Variants in ZNF385D observed in about 807,000 individuals in gnomAD.
ZNF385D encodes zinc finger protein 659.
Under a neutral mutation model 35.8 loss-of-function variants are expected in ZNF385D, and 15 were observed. The ratio of observed to expected loss-of-function variants is 0.42; its 90% CI spans 0.28 to 0.64. The LOEUF (loss-of-function observed/expected upper bound fraction) is 0.64, where lower values mean the gene tolerates loss of function less well. Among genes scored for constraint, ZNF385D ranks in the 30% least tolerant of loss-of-function variants. The pLI, the probability that ZNF385D is intolerant of heterozygous loss-of-function variation, is 0.23. For synonymous variants in ZNF385D, 212 were observed against 186.8 expected, an observed-to-expected ratio of 1.13 and a Z score of -1.10; for missense variants, 474 against 494.6, an observed-to-expected ratio of 0.96 and a Z score of 0.39.
chr3:21,681,697 C>CA (rs2066913702), intron 1 of ZNF385D, among the ~76,000 whole-genome samples: 11 of 53,566 alleles, frequency 2.1e-4, no homozygotes, highest in Non-Finnish European at 3.3e-4. Context: ...TAAAAAAAAA[C>CA]GAAAAAAAAA....
At chr3:21,766,650 G>A (rs1489469809) in intron 3 of ZNF385D, among the ~76,000 whole-genome samples, 4 of 152,154 alleles carry the variant, frequency 2.6e-5, no homozygotes, top group African/African-American at 9.6e-5. Flanking sequence ...TATGGAAGCA[G>A]TTATGGCATG....
At chr3:22,086,109 G>A (rs543094258) in intron 3 of ZNF385D, among the ~76,000 whole-genome samples, 13 of 152,246 alleles carry the variant, frequency 8.5e-5, no homozygotes, top group East Asian at 1.9e-4. Context: ...CTGCATGGGC[G>A]AAACCTGGAA....
intron 3 of ZNF385D, among the ~76,000 whole-genome samples, chr3:21,885,531 T>C (rs1050262291): frequency 6.6e-6 from 1 of 151,948 alleles, no homozygotes; most frequent in Non-Finnish European, 1.5e-5. Flanking sequence ...CATGCTTAAA[T>C]TGCAATCAGA....
intron 1 of ZNF385D, among the ~76,000 whole-genome samples, chr3:21,724,696 A>T (rs2068687500): frequency 6.6e-6 from 1 of 152,000 alleles, no homozygotes; most frequent in Admixed American, 6.6e-5. Flanking sequence ...GTTCTTAGAG[A>T]CTTACAAAGA....
In ZNF385D at chr3:22,028,396, T is replaced by A. The variant is rs967345616; in HGVS notation, c.325+140421A>T. Among the ~76,000 whole-genome samples the A allele has an allele frequency of 5.3e-5, 8 of 152,238 alleles. No homozygotes were observed. The South Asian group carries it at 1.7e-3, about 32-fold the overall frequency. On this transcript the variant is annotated intron_variant, in intron 3 of 5. Coordinates refer to the ZNF385D transcript ENST00000494108. ...GAGGTTACGCATGGGCTCAGCAACA[T>A]GTACTTCCACTCACCAAGGCTGACC...
intron 2 of ZNF385D, among the ~76,000 whole-genome samples, chr3:22,292,502 G>T (rs539204816): frequency 1.3e-5 from 2 of 152,044 alleles, no homozygotes; most frequent in Admixed American, 6.6e-5. Flanking sequence ...GCCCAGTACT[G>T]GCACTATTTC....
chr3:21,747,696 C>T lies in ZNF385D; in HGVS notation c.22+3199G>A, dbSNP rs567591612. On this transcript the variant is annotated intron_variant, in intron 1 of 7. Coordinates refer to ENST00000281523, the MANE Select transcript of ZNF385D (RefSeq NM_024697.3). ...GGCGCTGAGCAATTGCTGGGGTGCA[C>T]TCAAGCAAATAACCTGCCCTTCATA... 4.1e-4 allele frequency among the ~76,000 whole-genome samples: 63 copies of T among 152,310 alleles called. 1 individual carries two copies. Among genetic ancestry groups the T allele is most frequent in the African/African-American group, 1.4e-3 (57 of 41,560 alleles).
chr3:21,493,989 T>C lies in ZNF385D; in HGVS notation c.439+16872A>G, dbSNP rs535190737. Among the ~76,000 whole-genome samples, 18 of 152,274 alleles carry C rather than the reference T, an allele frequency of 1.2e-4. No homozygotes were observed. The South Asian group carries it at 3.7e-3, about 32-fold the overall frequency. On this transcript the variant is annotated intron_variant, in intron 4 of 7. Coordinates refer to ENST00000281523, the MANE Select transcript of ZNF385D (RefSeq NM_024697.3). ...AAACAGGCTTTTTTTTCCTTTGTCT[T>C]TAAGACTTGGGTTTTGTTATTCCAG... is the stretch of plus-strand genomic sequence containing the variant.
chr3:21,749,748 T>G (rs974688828), intron 1 of ZNF385D, among the ~76,000 whole-genome samples: 1 of 152,232 alleles, frequency 6.6e-6, no homozygotes, highest in Non-Finnish European at 1.5e-5. Context: ...TAAAGGCATT[T>G]AGCTTTTGGA....
chr3:21,698,853 G>A (rs2067566216), intron 1 of ZNF385D, among the ~76,000 whole-genome samples: 2 of 152,136 alleles, frequency 1.3e-5, no homozygotes, highest in Non-Finnish European at 2.9e-5. Flanking sequence ...AGATGCTGGA[G>A]AGGCTGTGGA....
At chr3:21,511,528 G>C (rs1707200098) in intron 3 of ZNF385D, 1 of 369,220 alleles carries the variant, frequency 2.7e-6, no homozygotes, top group African/African-American at 2.1e-5. Context: ...GACTGAGATT[G>C]AAGCTTTAGA....
chr3:21,828,189 A>G (rs1694771689), intron 3 of ZNF385D, among the ~76,000 whole-genome samples: 1 of 152,206 alleles, frequency 6.6e-6, no homozygotes, highest in African/African-American at 2.4e-5. Context: ...CCAGAGCTAT[A>G]TTTCCCAGAT....
At chr3:22,231,783 T>G (rs1411037417) in intron 2 of ZNF385D, among the ~76,000 whole-genome samples, 1 of 152,130 alleles carries the variant, frequency 6.6e-6, no homozygotes, top group African/African-American at 2.4e-5. Flanking sequence ...ATTCCCAATG[T>G]TGAAGGTGGG....
chr3:21,858,009 A>C (rs1696828273), intron 3 of ZNF385D, among the ~76,000 whole-genome samples: 1 of 151,948 alleles, frequency 6.6e-6, no homozygotes. Context: ...TAAAAATACA[A>C]AATTTAGTTG....
chr3:22,111,473 C>T (rs146372507), intron 3 of ZNF385D, among the ~76,000 whole-genome samples: 2,586 of 152,062 alleles, frequency 0.017, 36 homozygotes, highest in Non-Finnish European at 0.029. Context: ...CACATGGTGA[C>T]GCGATCATCA....
chr3:22,228,630 T>C (rs570792926), intron 2 of ZNF385D, among the ~76,000 whole-genome samples: 10 of 152,256 alleles, frequency 6.6e-5, no homozygotes, highest in Admixed American at 1.3e-4. Flanking sequence ...GTCAACTCGA[T>C]TGGTTTGAAG....
chr3:22,370,307 T>C (rs1258242428), intron 2 of ZNF385D, among the ~76,000 whole-genome samples: 2 of 152,150 alleles, frequency 1.3e-5, no homozygotes, highest in Non-Finnish European at 2.9e-5. Context: ...AAATCACACA[T>C]TGTTAAGACA....
chr3:21,694,423 A>G (rs2067398881), intron 1 of ZNF385D, among the ~76,000 whole-genome samples: 1 of 152,130 alleles, frequency 6.6e-6, no homozygotes, highest in Non-Finnish European at 1.5e-5. Context: ...AAAGCACCAG[A>G]AAAAAGTGGA....
intron 3 of ZNF385D, among the ~76,000 whole-genome samples, chr3:22,017,500 A>G (rs906478168): frequency 6.6e-6 from 1 of 152,012 alleles, no homozygotes; most frequent in Non-Finnish European, 1.5e-5. Flanking sequence ...CTGTATTATA[A>G]CTAGAAAATT....
Sources: gnomAD v4.1 joint callset for allele counts (sites outside exome capture counted in the v4.1 genomes callset) on GRCh38, gnomAD v4.1.1 for gene constraint, MANE v1.5 for transcripts, NCBI Gene and HGNC (gene_info 2026-07-23, HGNC 2026-07-21) for gene names.